GSK3B: variants seen among roughly 807,000 people sequenced by gnomAD.
GSK3B encodes glycogen synthase kinase-3 beta.
A neutral mutation model predicts 56.4 loss-of-function variants in GSK3B; 15 were observed. The observed-to-expected ratio is 0.27, with a 90% confidence interval of 0.18 to 0.41. The LOEUF (loss-of-function observed/expected upper bound fraction) is 0.41. Ranked by LOEUF, GSK3B falls within the 10% of genes least tolerant of loss-of-function variation. The pLI, the probability that GSK3B is intolerant of heterozygous loss-of-function variation, is 1.00. For missense variants in GSK3B, 300 were observed against 513.4 expected, an observed-to-expected ratio of 0.58 and a Z score of 4.02; for synonymous variants, 181 against 188.9, an observed-to-expected ratio of 0.96 and a Z score of 0.34.
chr3:120,066,329 C>G lies in GSK3B; in HGVS notation c.88+27018G>C, dbSNP rs185279859. On this transcript the variant is annotated intron_variant, in intron 1 of 10. Coordinates refer to ENST00000264235, the MANE Select transcript of GSK3B (RefSeq NM_001146156.2). Reference sequence around the variant, plus strand: ...GATGTACAAGATGAGCCTGGAACATCTTGTCATACTAGAAAACAGGATTAC... The same window carrying G: ...GATGTACAAGATGAGCCTGGAACATGTTGTCATACTAGAAAACAGGATTAC... Among the ~76,000 whole-genome samples, 75 of 152,100 alleles carry G rather than the reference C, an allele frequency of 4.9e-4. No homozygotes were observed. The East Asian group carries it at 0.013, about 26-fold the overall frequency.
chr3:119,948,935 C>CA (rs1293060479), intron 2 of GSK3B, among the ~76,000 whole-genome samples: 1 of 152,166 alleles, frequency 6.6e-6, no homozygotes, highest in Admixed American at 6.5e-5. Flanking sequence ...CTCCTGACCT[C>CA]AGACAATCCA....
At chr3:119,953,119 G>A (rs1240173171) in intron 2 of GSK3B, among the ~76,000 whole-genome samples, 1 of 152,200 alleles carries the variant, frequency 6.6e-6, no homozygotes, top group South Asian at 2.1e-4. Flanking sequence ...CAGAAATTAG[G>A]TCAGTATTAA....
At chr3:119,992,676 A>G (rs1326970007) in intron 2 of GSK3B, among the ~76,000 whole-genome samples, 1 of 152,072 alleles carries the variant, frequency 6.6e-6, no homozygotes, top group African/African-American at 2.4e-5. Context: ...AGTAAAAATT[A>G]CACATATCAC....
chr3:120,088,442 A>C (rs1379536038), intron 1 of GSK3B, among the ~76,000 whole-genome samples: 1 of 152,196 alleles, frequency 6.6e-6, no homozygotes, highest in African/African-American at 2.4e-5. Context: ...TTTTTATATA[A>C]ATATACATTT....
intron 7 of GSK3B, among the ~76,000 whole-genome samples, chr3:119,884,737 A>C (rs1299872106): frequency 1.3e-5 from 2 of 152,170 alleles, no homozygotes; most frequent in African/African-American, 4.8e-5. Flanking sequence ...GAGTTGTATA[A>C]AATATATAAA....
intron 5 of GSK3B, among the ~76,000 whole-genome samples, chr3:119,915,695 T>C (rs1559834891): frequency 6.6e-6 from 1 of 152,120 alleles, no homozygotes; most frequent in African/African-American, 2.4e-5. Context: ...CTCATTCTTT[T>C]TCATGGTTGC....
chr3:119,931,506 C>T (rs1204947384), intron 3 of GSK3B, among the ~76,000 whole-genome samples: 1 of 152,130 alleles, frequency 6.6e-6, no homozygotes, highest in East Asian at 1.9e-4. Flanking sequence ...GTCCCAGCTA[C>T]TCAGGAGGCT....
chr3:119,833,690 GTTTTT>G (rs902919136), intron 10 of GSK3B, among the ~76,000 whole-genome samples: 1 of 75,788 alleles, frequency 1.3e-5, no homozygotes, highest in African/African-American at 5.1e-5. Context: ...ACATTAGGTT[GTTTTT>G]TTTTTTTTTT....
chr3:120,079,859 T>C (rs1398094382), intron 1 of GSK3B, among the ~76,000 whole-genome samples: 1 of 152,202 alleles, frequency 6.6e-6, no homozygotes, highest in Admixed American at 6.5e-5. Flanking sequence ...ATTTCTTCCA[T>C]GTCTAAGAAT....
chr3:119,936,429 C>T (rs1219865892), intron 3 of GSK3B, among the ~76,000 whole-genome samples: 1 of 149,832 alleles, frequency 6.7e-6, no homozygotes, highest in African/African-American at 2.5e-5. Flanking sequence ...TCACTTCAAC[C>T]TCTGCCTCCC....
intron 9 of GSK3B, among the ~76,000 whole-genome samples, chr3:119,852,556 C>A (rs1310483186): frequency 6.6e-6 from 1 of 151,998 alleles, no homozygotes. Flanking sequence ...CCATGTTGGC[C>A]AGGCTGGTCT....
At chr3:119,878,869 C>T (rs904623311) in intron 7 of GSK3B, among the ~76,000 whole-genome samples, 5 of 152,044 alleles carry the variant, frequency 3.3e-5, no homozygotes, top group African/African-American at 1.2e-4. Flanking sequence ...ATATGGAATT[C>T]TAGTAAATTT....
chr3:120,066,803 A>AT (rs2058284784), intron 1 of GSK3B, among the ~76,000 whole-genome samples: 1 of 152,216 alleles, frequency 6.6e-6, no homozygotes, highest in African/African-American at 2.4e-5. Context: ...GCTACAGATA[A>AT]TACATAAAGG....
At chr3:120,023,209 T>TA (rs879588325) in intron 1 of GSK3B, among the ~76,000 whole-genome samples, 3,062 of 142,826 alleles carry the variant, frequency 0.021, 82 homozygotes, top group African/African-American at 0.065. Flanking sequence ...CATACTCATT[T>TA]AAAAAAAAAA....
At chr3:119,894,155 C>T (rs975022161) in intron 7 of GSK3B, among the ~76,000 whole-genome samples, 2 of 152,038 alleles carry the variant, frequency 1.3e-5, no homozygotes, top group South Asian at 4.1e-4. Context: ...TCGTGTGTGA[C>T]ATTTTCTTAT....
chr3:119,916,982 T>C (rs570514583), intron 4 of GSK3B, among the ~76,000 whole-genome samples: 74 of 152,256 alleles, frequency 4.9e-4, no homozygotes, highest in African/African-American at 1.6e-3. Context: ...GAAGAGAGTA[T>C]AATTTAAACC....
intron 1 of GSK3B, among the ~76,000 whole-genome samples, chr3:120,079,768 T>C (rs1197674332): frequency 6.6e-6 from 1 of 152,166 alleles, no homozygotes. Flanking sequence ...TGAATTTAAA[T>C]AGAATTATAC....
At chr3:119,895,849 C>T (rs1048843656) in intron 7 of GSK3B, among the ~76,000 whole-genome samples, 3 of 151,946 alleles carry the variant, frequency 2.0e-5, no homozygotes, top group South Asian at 2.1e-4. Flanking sequence ...TGTGGCTGGG[C>T]GTGGTGGATC....
intron 1 of GSK3B, among the ~76,000 whole-genome samples, chr3:120,033,511 T>A (rs1334077107): frequency 6.6e-6 from 1 of 152,330 alleles, no homozygotes; most frequent in East Asian, 1.9e-4. Context: ...ATTCTAGCCA[T>A]CCTAATGAGT....
Sources: allele counts gnomAD v4.1 joint callset (sites outside exome capture counted in the v4.1 genomes callset), GRCh38; gene constraint gnomAD v4.1.1; transcripts MANE v1.5; gene names NCBI Gene and HGNC (gene_info 2026-07-23, HGNC 2026-07-21).